The following ZNF131 variants were observed in gnomAD, a reference collection of about 807,000 sequenced individuals.
ZNF131 encodes zinc finger and BTB domain containing 35.
Under a neutral mutation model 60.0 loss-of-function variants are expected in ZNF131, and 7 were observed. That is an observed-to-expected ratio of 0.12 (90% CI 0.07 to 0.22). The LOEUF (loss-of-function observed/expected upper bound fraction) is 0.22, where lower values mean the gene tolerates loss of function less well. Ranked by LOEUF, ZNF131 falls within the 10% of genes least tolerant of loss-of-function variation. The probability of loss-of-function intolerance (pLI) is 1.00; values close to 1 mark genes in which losing one functional copy is unlikely to be tolerated. For missense variants in ZNF131, 493 were observed against 740.9 expected (o/e 0.67, Z 3.88); for synonymous variants, 257 against 253.2 (o/e 1.01, Z -0.14).
Position 43,161,867 on chromosome 5 carries a change from T to C in ZNF131, c.990T>C (p.Cys330=), listed in dbSNP as rs1749732373. 5 of 1,613,932 alleles carry C rather than the reference T, an allele frequency of 3.1e-6. No individual in the cohort carries two copies. Among genetic ancestry groups the C allele is most frequent in the Non-Finnish European group, 4.2e-6 (5 of 1,179,974 alleles). ...KQRTGKKIHV[C]QYCEKQFDHF... ...GAACTGGGAAAAAAATTCATGTATG[T>C]CAGTACTGTGAGAAACAGTTTGACC... The change falls in exon 5 of 7, where the codon TGT becomes TGC. Residue 330 remains cysteine (C), a synonymous_variant. Transcript: ENST00000682664.
intron 4 of ZNF131, among the ~76,000 whole-genome samples, chr5:43,146,362 C>A (rs546245613): frequency 4.6e-5 from 7 of 152,038 alleles, no homozygotes; most frequent in Non-Finnish European, 8.8e-5. Context: ...CCAAGGTGGG[C>A]GGATATGAGG....
At chr5:43,160,678 C>CTTTTTTTATTTTTTTTTTT (rs1749571952) in intron 4 of ZNF131, among the ~76,000 whole-genome samples, 1 of 93,032 alleles carries the variant, frequency 1.1e-5, no homozygotes, top group East Asian at 3.9e-4. Context: ...TAGCTTGGAA[C>CTTTTTTTATTTTTTTTTTT]TTTTTTTTTT....
At position 43,123,427 on chromosome 5, in the gene ZNF131, C is replaced by G. The variant is rs141705173; in HGVS notation, c.226+117C>G. Reference sequence around the variant, plus strand: ...GGTGAAGCAGTTTTAGACAGTTTATCAAGACACCATAGGAAATAGGCATCA... The same window carrying G: ...GGTGAAGCAGTTTTAGACAGTTTATGAAGACACCATAGGAAATAGGCATCA... On this transcript the variant is annotated intron_variant, in intron 3 of 6. Transcript: ENST00000682664. 1.2e-4 allele frequency: 94 copies of G among 815,452 alleles called. No homozygotes were observed. In the African/African-American group the frequency reaches 1.4e-3, roughly 12 times the overall value. 50.5% of individuals were successfully genotyped at this position (815,452 alleles called of 1,614,324 possible).
At chr5:43,150,745 C>G (rs2111730520) in intron 4 of ZNF131, among the ~76,000 whole-genome samples, 1 of 152,270 alleles carries the variant, frequency 6.6e-6, no homozygotes, top group Non-Finnish European at 1.5e-5. Context: ...CCATTGCACT[C>G]TGGCTTGGGC....
intron 4 of ZNF131, among the ~76,000 whole-genome samples, chr5:43,148,622 T>C (rs112514462): frequency 2.6e-5 from 4 of 152,382 alleles, no homozygotes; most frequent in African/African-American, 9.6e-5. Context: ...GGTGTAGCTA[T>C]GTTTTAATAA....
At chr5:43,146,565 A>T (rs1277215824) in intron 4 of ZNF131, among the ~76,000 whole-genome samples, 1 of 152,124 alleles carries the variant, frequency 6.6e-6, no homozygotes, top group African/African-American at 2.4e-5. Flanking sequence ...ACTGCACTCC[A>T]GCCTGGGCGA....
At chr5:43,167,058 G>T (rs994627052) in intron 5 of ZNF131, among the ~76,000 whole-genome samples, 1 of 152,196 alleles carries the variant, frequency 6.6e-6, no homozygotes, top group Non-Finnish European at 1.5e-5. Flanking sequence ...GAGACTAGAG[G>T]AGAGAGGGAG....
chr5:43,168,493 G>T (rs370010056), intron 5 of ZNF131, among the ~76,000 whole-genome samples: 3 of 152,176 alleles, frequency 2.0e-5, no homozygotes, highest in African/African-American at 4.8e-5. Context: ...CATGTGGCAT[G>T]CACTTGGCCA....
At position 43,159,138 on chromosome 5, in the gene ZNF131, A is replaced by G. The variant is rs1352370462; in HGVS notation, c.372-2111A>G. Among the ~76,000 whole-genome samples the G allele has an allele frequency of 3.3e-5, 5 of 152,220 alleles. No individual in the cohort carries two copies. The East Asian group carries it at 9.6e-4, about 29-fold the overall frequency. On this transcript the variant is annotated intron_variant, in intron 4 of 6. Coordinates refer to ENST00000682664, the MANE Select transcript of ZNF131 (RefSeq NM_001330707.2). ...TTTATATTATAGCTGAAGAATCTCC[A>G]GCTTAGGAATCTCAAAATTTTTATA...
At chr5:43,135,171 T>C (rs1745912301) in intron 3 of ZNF131, among the ~76,000 whole-genome samples, 1 of 151,656 alleles carries the variant, frequency 6.6e-6, no homozygotes, top group African/African-American at 2.4e-5. Context: ...GCTAATTTTG[T>C]ATTTTTAGTA....
At chr5:43,154,041 T>C (rs1411008990) in intron 4 of ZNF131, among the ~76,000 whole-genome samples, 1 of 152,080 alleles carries the variant, frequency 6.6e-6, no homozygotes, top group African/African-American at 2.4e-5. Context: ...ACATAAGACA[T>C]AGATTAGTTT....
At chr5:43,157,567 G>A (rs528262333) in intron 4 of ZNF131, among the ~76,000 whole-genome samples, 12 of 152,226 alleles carry the variant, frequency 7.9e-5, no homozygotes, top group Admixed American at 5.9e-4. Context: ...AGCTGTTCTT[G>A]AACTTGCTGC....
At chr5:43,163,910 A>G (rs1011980616) in intron 5 of ZNF131, among the ~76,000 whole-genome samples, 1 of 152,178 alleles carries the variant, frequency 6.6e-6, no homozygotes, top group African/African-American at 2.4e-5. Context: ...AAATTAAGGA[A>G]CCACATAGAT....
At chr5:43,174,298 A>G in intron 6 of ZNF131, 149 bp from the exon 7 acceptor site, 2 of 705,306 alleles carry the variant, frequency 2.8e-6, no homozygotes, top group Non-Finnish European at 4.4e-6. Context: ...GAATTATGAA[A>G]TAGCTTGGAC....
chr5:43,125,053 T>C (rs1014639388), intron 3 of ZNF131: 1 of 151,040 alleles, frequency 6.6e-6, no homozygotes, highest in African/African-American at 2.4e-5. Context: ...AAAAGTCAGT[T>C]TATCATATTG....
chr5:43,172,865 C>G (rs1219630905), intron 5 of ZNF131, among the ~76,000 whole-genome samples: 1 of 152,022 alleles, frequency 6.6e-6, no homozygotes, highest in Non-Finnish European at 1.5e-5. Context: ...TGTATTTCAT[C>G]TTTATACCTT....
At position 43,122,181 on chromosome 5, in the gene ZNF131, G is replaced by C. The variant is rs759919117; in HGVS notation, c.124+4G>C. 2 of 1,613,302 alleles carry C rather than the reference G, an allele frequency of 1.2e-6. No homozygotes were observed. The highest frequency in any genetic ancestry group is 8.5e-7 in the Non-Finnish European group (1 of 1,179,738). On this transcript the variant is annotated splice_donor_region_variant and intron_variant, in intron 2 of 6. Transcript: ENST00000682664. ...GACATCACCCTAATTGTCGACGGTG[G>C]GTAGGGCAGTGGGCAGAGGAGCGAA... is the stretch of plus-strand genomic sequence containing the variant.
At chr5:43,128,759 C>CT (rs1744914449) in intron 3 of ZNF131, among the ~76,000 whole-genome samples, 1 of 150,732 alleles carries the variant, frequency 6.6e-6, no homozygotes, top group African/African-American at 2.4e-5. Flanking sequence ...GGTACCAGTA[C>CT]TTTCTTTTTG....
chr5:43,158,738 C>T (rs1032826824), intron 4 of ZNF131, among the ~76,000 whole-genome samples: 10 of 152,184 alleles, frequency 6.6e-5, no homozygotes, highest in Admixed American at 6.5e-5. Context: ...CCATTTATTG[C>T]TTTGTTGACT....
Sources: gnomAD v4.1 joint callset for allele counts (sites outside exome capture counted in the v4.1 genomes callset) on GRCh38, gnomAD v4.1.1 for gene constraint, MANE v1.5 for transcripts, NCBI Gene and HGNC (gene_info 2026-07-23, HGNC 2026-07-21) for gene names.